Variants in SLC35D4 observed in about 807,000 individuals in gnomAD.
The protein encoded by SLC35D4 is UDP-N-acetylglucosamine transporter SLC35D4.
chr18:23,402,437 C>A, the SLC35D4 span, among the ~76,000 whole-genome samples: 1 of 152,076 alleles, frequency 6.6e-6, no homozygotes, highest in Non-Finnish European at 1.5e-5. Context: ...AAACGAAAAG[C>A]CTTACCACAA....
the SLC35D4 span, among the ~76,000 whole-genome samples, chr18:23,421,716 G>A: frequency 5.9e-4 from 80 of 135,340 alleles, no homozygotes; most frequent in African/African-American, 2.1e-3. Context: ...TCGCTCCGTC[G>A]CCCAGGCTGG....
the SLC35D4 span, among the ~76,000 whole-genome samples, chr18:23,381,520 TACA>T: frequency 5.3e-5 from 8 of 152,198 alleles, no homozygotes; most frequent in African/African-American, 1.9e-4. Flanking sequence ...CTGTATTTTC[TACA>T]ACATCTTAAA....
chr18:23,436,772 G>A, the SLC35D4 span, among the ~76,000 whole-genome samples: 1 of 152,156 alleles, frequency 6.6e-6, no homozygotes, highest in Non-Finnish European at 1.5e-5. Flanking sequence ...CAGCCTGGGT[G>A]ACAGAGCGAG....
chr18:23,365,631 T>A, the SLC35D4 span: 1 of 1,613,548 alleles, frequency 6.2e-7, no homozygotes, highest in Non-Finnish European at 8.5e-7. Context: ...CGGGGGCATT[T>A]ACCTGTGGGA....
the SLC35D4 span, chr18:23,365,602 G>A: frequency 1.2e-6 from 2 of 1,611,752 alleles, no homozygotes; most frequent in Non-Finnish European, 1.7e-6. Flanking sequence ...ATGTCAAACA[G>A]ACAAACAAAA....
At chr18:23,380,639 G>A in the SLC35D4 span, among the ~76,000 whole-genome samples, 4 of 152,144 alleles carry the variant, frequency 2.6e-5, no homozygotes, top group East Asian at 7.7e-4. Context: ...CTAGCAACAT[G>A]TTTGACATTT....
the SLC35D4 span, chr18:23,368,877 G>C: frequency 2.6e-5 from 16 of 608,416 alleles, no homozygotes; most frequent in African/African-American, 3.0e-4. Context: ...TCCATAAATA[G>C]AGGGAAAAGT....
chr18:23,376,807 C>T, the SLC35D4 span: 20 of 456,462 alleles, frequency 4.4e-5, no homozygotes, highest in Non-Finnish European at 7.9e-5. Context: ...CTTCCCACCC[C>T]ACCTGGCCTC....
chr18:23,239,227 C>T, the SLC35D4 span, among the ~76,000 whole-genome samples: 7 of 152,180 alleles, frequency 4.6e-5, no homozygotes, highest in South Asian at 2.1e-4. Flanking sequence ...TATGTCCTGC[C>T]CTCCTCATTT....
At chr18:23,354,443 C>A in the SLC35D4 span, among the ~76,000 whole-genome samples, 3 of 151,252 alleles carry the variant, frequency 2.0e-5, no homozygotes, top group African/African-American at 7.3e-5. Context: ...ATGGGTGAAC[C>A]CGGCAGGCAG....
At chr18:23,239,801 C>T in the SLC35D4 span, among the ~76,000 whole-genome samples, 1 of 152,128 alleles carries the variant, frequency 6.6e-6, no homozygotes, top group Non-Finnish European at 1.5e-5. Context: ...GCACCATAAT[C>T]GTGAGGAAGG....
the SLC35D4 span, among the ~76,000 whole-genome samples, chr18:23,417,921 T>C: frequency 6.6e-6 from 1 of 152,206 alleles, no homozygotes; most frequent in Admixed American, 6.5e-5. Flanking sequence ...AAGCTCCTGC[T>C]TCTCCAAAGG....
At chr18:23,421,462 C>T in the SLC35D4 span, 1 of 1,613,380 alleles carries the variant, frequency 6.2e-7, no homozygotes, top group African/African-American at 1.3e-5. Flanking sequence ...GGACAAGGGG[C>T]AATGTGAATT....
At chr18:23,409,360 C>T in the SLC35D4 span, among the ~76,000 whole-genome samples, 1 of 152,204 alleles carries the variant, frequency 6.6e-6, no homozygotes, top group Non-Finnish European at 1.5e-5. Flanking sequence ...CTTCACTTCA[C>T]ATCTTTCCAT....
At chr18:23,243,475 T>G in the SLC35D4 span, among the ~76,000 whole-genome samples, 2 of 149,252 alleles carry the variant, frequency 1.3e-5, no homozygotes, top group African/African-American at 5.0e-5. Context: ...GGTGTTTTTT[T>G]TTTTTTTTTT....
the SLC35D4 span, among the ~76,000 whole-genome samples, chr18:23,361,069 T>G: frequency 1.1e-4 from 13 of 117,382 alleles, no homozygotes; most frequent in African/African-American, 4.0e-4. Flanking sequence ...GCCACTGTAC[T>G]ACAGCCTGGG....
chr18:23,292,147 A>G, the SLC35D4 span, among the ~76,000 whole-genome samples: 5 of 152,142 alleles, frequency 3.3e-5, no homozygotes, highest in African/African-American at 9.7e-5. Context: ...TTTCACCCCA[A>G]TCTGTGACTG....
chr18:23,302,997 A>G, the SLC35D4 span, among the ~76,000 whole-genome samples: 2 of 152,262 alleles, frequency 1.3e-5, no homozygotes, highest in Non-Finnish European at 2.9e-5. Flanking sequence ...AAGAAATAGT[A>G]ACTATACCAG....
At chr18:23,335,025 C>T in the SLC35D4 span, among the ~76,000 whole-genome samples, 1 of 151,464 alleles carries the variant, frequency 6.6e-6, no homozygotes, top group Non-Finnish European at 1.5e-5. Context: ...AGAAAGCAAG[C>T]AAGCAAGAAG....
Sources: allele counts gnomAD v4.1 joint callset (sites outside exome capture counted in the v4.1 genomes callset), GRCh38; gene constraint gnomAD v4.1.1; transcripts MANE v1.5; gene names NCBI Gene and HGNC (gene_info 2026-07-23, HGNC 2026-07-21).